Variants in SLIT2 observed in about 807,000 individuals in gnomAD.
SLIT2 encodes the protein slit guidance ligand 2, also known as slit homolog 2 protein.
A neutral mutation model predicts 185.7 loss-of-function variants in SLIT2; 41 were observed. That is an observed-to-expected ratio of 0.22 (90% CI 0.17 to 0.29). The LOEUF (loss-of-function observed/expected upper bound fraction) is 0.29, where lower values mean the gene tolerates loss of function less well. SLIT2 is among the 10% of genes least tolerant of loss of function. SLIT2 has a pLI of 1.00. For synonymous variants in SLIT2, 693 were observed against 680.2 expected (o/e 1.02, Z -0.29); for missense variants, 1,571 against 1,909.0 (o/e 0.82, Z 3.30).
At chr4:20,414,055 G>C (rs539693109) in intron 4 of SLIT2, among the ~76,000 whole-genome samples, 12 of 152,044 alleles carry the variant, frequency 7.9e-5, no homozygotes, top group African/African-American at 2.4e-4. Context: ...TGCTTCCATA[G>C]TCTTTTCTAA....
chr4:20,589,850 C>G (rs1727359148), intron 30 of SLIT2, 113 bp downstream of exon 30: 1 of 657,900 alleles, frequency 1.5e-6, no homozygotes, highest in African/African-American at 1.8e-5. Context: ...TTAAAGGGAC[C>G]TATTCACTAG....
intron 6 of SLIT2, among the ~76,000 whole-genome samples, chr4:20,482,705 G>A (rs1182018725): frequency 6.6e-6 from 1 of 151,916 alleles, no homozygotes; most frequent in Non-Finnish European, 1.5e-5. Context: ...GTATATATTG[G>A]TCAGAGTTTG....
chr4:20,481,057 G>C (rs1716649036), intron 6 of SLIT2, among the ~76,000 whole-genome samples: 1 of 151,652 alleles, frequency 6.6e-6, no homozygotes, highest in Non-Finnish European at 1.5e-5. Context: ...ATTTGTCATT[G>C]CTAAATATTG....
At position 20,535,984 on chromosome 4, in the gene SLIT2, A is replaced by G. The variant is rs540593648; in HGVS notation, c.1832+2269A>G. Among the ~76,000 whole-genome samples the G allele has an allele frequency of 3.3e-5, 5 of 152,320 alleles. No individual in the cohort carries two copies. In the South Asian group the frequency reaches 1.0e-3, roughly 32 times the overall value. On this transcript the variant is annotated intron_variant, in intron 18 of 36. Coordinates refer to ENST00000504154, the MANE Select transcript of SLIT2 (RefSeq NM_004787.4). ...ATACCTAGGCTATATGGCACAGCCT[A>G]TTGCTCCTGGGCTACAAACCTGTGC...
intron 15 of SLIT2, among the ~76,000 whole-genome samples, chr4:20,526,399 C>A (rs1169232367): frequency 6.6e-6 from 1 of 151,982 alleles, no homozygotes; most frequent in Non-Finnish European, 1.5e-5. Context: ...AATTACTTTA[C>A]CCAATTAAGT....
intron 4 of SLIT2, among the ~76,000 whole-genome samples, chr4:20,292,917 T>C (rs1450318922): frequency 6.6e-6 from 1 of 152,214 alleles, no homozygotes; most frequent in African/African-American, 2.4e-5. Context: ...CTGAGTAATT[T>C]TGCAACATGT....
intron 10 of SLIT2, 75 bp downstream of exon 10, chr4:20,510,641 A>G (rs1719617628): frequency 3.4e-6 from 3 of 882,062 alleles, no homozygotes; most frequent in Non-Finnish European, 1.9e-6. Flanking sequence ...AAGAAACTTA[A>G]GTATGAGTAT....
chr4:20,254,300 G>C lies in SLIT2; in HGVS notation c.179+306G>C, dbSNP rs1175110689. Among the ~76,000 whole-genome samples the C allele has an allele frequency of 6.6e-6, 1 of 152,188 alleles. No homozygotes were observed. On this transcript the variant is annotated intron_variant, in intron 1 of 36. Transcript: ENST00000504154. The surrounding 1 kb of genome is among the most constrained non-coding windows in gnomAD (Gnocchi z 5.1). ...GGGTAGATAGGGGACAAGTACTGGA[G>C]GATGCCCGGGGCAAGTGAGACGCCA...
intron 4 of SLIT2, among the ~76,000 whole-genome samples, chr4:20,358,127 G>C (rs1722476999): frequency 6.6e-6 from 1 of 152,084 alleles, no homozygotes; most frequent in Non-Finnish European, 1.5e-5. Context: ...CAGAAAATCA[G>C]ACCTATCCCT....
Position 20,528,713 on chromosome 4 carries a change from G to T in SLIT2, c.1463-236G>T, listed in dbSNP as rs906102425. Among the ~76,000 whole-genome samples, 4 of 152,094 alleles carry T rather than the reference G, an allele frequency of 2.6e-5. No individual in the cohort carries two copies. Among genetic ancestry groups the T allele is most frequent in the Admixed American group, 6.6e-5 (1 of 15,264 alleles). On this transcript the variant is annotated intron_variant, in intron 15 of 36. Coordinates refer to ENST00000504154, the MANE Select transcript of SLIT2 (RefSeq NM_004787.4). This position sits in a 1 kb window ranked among gnomAD's most constrained non-coding sequence, Gnocchi z 4.2. ...CAGAATTGGATCAGCAGAAAGTACA[G>T]CTGTGAAAAGCTCAACTTTATTAAT...
intron 4 of SLIT2, among the ~76,000 whole-genome samples, chr4:20,366,559 G>A (rs1723132084): frequency 6.6e-6 from 1 of 151,994 alleles, no homozygotes; most frequent in Admixed American, 6.6e-5. Context: ...AGAAAATTCT[G>A]GGAATGCAAA....
intron 4 of SLIT2, among the ~76,000 whole-genome samples, chr4:20,384,042 G>T (rs960608285): frequency 1.3e-5 from 2 of 151,114 alleles, no homozygotes; most frequent in Admixed American, 6.6e-5. Flanking sequence ...CAACAGAAAA[G>T]AAATTTTTAT....
At chr4:20,576,682 G>C (rs946425458) in intron 29 of SLIT2, among the ~76,000 whole-genome samples, 2 of 152,118 alleles carry the variant, frequency 1.3e-5, no homozygotes, top group African/African-American at 4.8e-5. Context: ...TATGTGGTTT[G>C]TATTCATCCT....
At chr4:20,415,177 C>G (rs573574534) in intron 4 of SLIT2, among the ~76,000 whole-genome samples, 2 of 151,932 alleles carry the variant, frequency 1.3e-5, no homozygotes, top group Non-Finnish European at 2.9e-5. Context: ...TTTGGGAGGC[C>G]GAGGCGGGCG....
intron 9 of SLIT2, 79 bp from the exon 10 acceptor site, chr4:20,510,416 G>C: frequency 2.2e-6 from 2 of 898,190 alleles, no homozygotes; most frequent in Non-Finnish European, 3.7e-6. Context: ...TTTACTTCTT[G>C]ACATGAATCC....
chr4:20,308,595 G>A (rs1488336664), intron 4 of SLIT2, among the ~76,000 whole-genome samples: 1 of 151,990 alleles, frequency 6.6e-6, no homozygotes, highest in African/African-American at 2.4e-5. Flanking sequence ...CACTGCCTCT[G>A]TAAAATGGGG....
At chr4:20,364,991 C>T (rs1723000701) in intron 4 of SLIT2, among the ~76,000 whole-genome samples, 1 of 152,042 alleles carries the variant, frequency 6.6e-6, no homozygotes, top group Non-Finnish European at 1.5e-5. Context: ...TACTCCTTAG[C>T]ATGATTTTTC....
intron 4 of SLIT2, among the ~76,000 whole-genome samples, chr4:20,376,858 C>T (rs1199415911): frequency 6.6e-6 from 1 of 152,056 alleles, no homozygotes; most frequent in Non-Finnish European, 1.5e-5. Context: ...GAACATCACA[C>T]ACCAGGGCCT....
chr4:20,301,195 A>G (rs1209372595), intron 4 of SLIT2, among the ~76,000 whole-genome samples: 2 of 152,144 alleles, frequency 1.3e-5, no homozygotes, highest in African/African-American at 2.4e-5. Context: ...AAATTAGAAA[A>G]TTTTAAATTT....
Sources: gnomAD v4.1 joint callset for allele counts (sites outside exome capture counted in the v4.1 genomes callset) on GRCh38, gnomAD v4.1.1 for gene constraint, Gnocchi (gnomAD v3.1) non-coding constraint, MANE v1.5 for transcripts, NCBI Gene and HGNC (gene_info 2026-07-23, HGNC 2026-07-21) for gene names.